Variants in LYSMD1 observed in about 807,000 individuals in gnomAD.
LYSMD1 encodes the protein LysM domain containing 1.
In LYSMD1, 9 loss-of-function variants were observed where a neutral mutation model predicts 19.3. That is an observed-to-expected ratio of 0.47 (90% CI 0.28 to 0.81). LYSMD1 has a LOEUF of 0.81. Among genes scored for constraint, LYSMD1 ranks in the 40% least tolerant of loss-of-function variants. The pLI is 0.11. For missense variants in LYSMD1, 262 were observed against 279.8 expected, an observed-to-expected ratio of 0.94 and a Z score of 0.45; for synonymous variants, 111 against 111.7, an observed-to-expected ratio of 0.99 and a Z score of 0.04.
chr1:151,157,997 G>A (rs890196723), downstream of LYSMD1, among the ~76,000 whole-genome samples: 3 of 152,156 alleles, frequency 2.0e-5, no homozygotes, highest in Non-Finnish European at 4.4e-5. Flanking sequence ...ACAGACATAT[G>A]GCACAGAGTC....
downstream of LYSMD1, chr1:151,159,375 C>A: frequency 9.1e-7 from 1 of 1,094,812 alleles, no homozygotes; most frequent in Non-Finnish European, 1.3e-6. Context: ...TCATTCCTTC[C>A]CAAGAGTGCT....
At chr1:151,153,086 CT>C in the LYSMD1 span, among the ~76,000 whole-genome samples, 1 of 152,240 alleles carries the variant, frequency 6.6e-6, no homozygotes, top group Non-Finnish European at 1.5e-5. Flanking sequence ...ATCTCTAAGT[CT>C]GATTCTGTCT....
At chr1:151,149,088 A>C in the LYSMD1 span, among the ~76,000 whole-genome samples, 1 of 152,336 alleles carries the variant, frequency 6.6e-6, no homozygotes, top group South Asian at 2.1e-4. Flanking sequence ...ATTTTGAAGG[A>C]CAAATCAAAA....
chr1:151,149,676 AGGAGGC>A, the LYSMD1 span, among the ~76,000 whole-genome samples: 1 of 151,442 alleles, frequency 6.6e-6, no homozygotes, highest in East Asian at 2.0e-4. Flanking sequence ...GCTTGAACCC[AGGAGGC>A]GGAGCTTGCA....
At chr1:151,151,001 G>A in the LYSMD1 span, among the ~76,000 whole-genome samples, 5 of 152,026 alleles carry the variant, frequency 3.3e-5, no homozygotes, top group Non-Finnish European at 5.9e-5. Context: ...AGCCTCCAAA[G>A]TGTTGGGATT....
chr1:151,151,443 C>T, the LYSMD1 span, among the ~76,000 whole-genome samples: 2 of 150,794 alleles, frequency 1.3e-5, no homozygotes, highest in African/African-American at 4.9e-5. Flanking sequence ...TCATGATCCG[C>T]CCGCCTGGGC....
chr1:151,165,483 T>G lies in LYSMD1; in HGVS notation c.-225A>C. On this transcript the variant is annotated 5_prime_UTR_variant, in exon 1 of 3. Transcript: ENST00000368908. The stretch of plus-strand genomic sequence containing the variant: ...GTCCCTTGAGTATTCAGTCCCTCCC[T>G]AATTCTCCCCTAAGCACCCCTCCGA... 2 of 1,431,168 alleles carry G rather than the reference T, an allele frequency of 1.4e-6. No homozygotes were observed. The allele number at this position is 1,431,168 out of a possible 1,614,324, so 88.7% of individuals were successfully genotyped here.
chr1:151,152,779 T>C, the LYSMD1 span, among the ~76,000 whole-genome samples: 8 of 152,220 alleles, frequency 5.3e-5, no homozygotes, highest in Admixed American at 5.2e-4. Context: ...GCTGACTTAC[T>C]TGACTGCTTT....
In LYSMD1 at chr1:151,160,980, A is replaced by G; in HGVS notation, c.586T>C (p.Trp196Arg). Residue 196 changes from tryptophan to arginine, a missense_variant, in exon 3 of 3, where the codon TGG becomes CGG. Coordinates refer to ENST00000368908, the MANE Select transcript of LYSMD1 (RefSeq NM_212551.5). ...EDAGLHLSSP[W>R]MQQRAVLGPV... The stretch of plus-strand genomic sequence containing the variant: ...CCTAGGACTGCTCGTTGCTGCATCC[A>G]AGGGGAGCTCAGGTGGAGACCTGCA... 1 of 1,614,202 alleles carries G rather than the reference A, an allele frequency of 6.2e-7. No individual in the cohort carries two copies. Among genetic ancestry groups the G allele is most frequent in the Non-Finnish European group, 8.5e-7 (1 of 1,180,024 alleles).
At chr1:151,162,143 T>C in intron 1 of LYSMD1, 43 bp from the exon 2 acceptor site, 1 of 1,561,248 alleles carries the variant, frequency 6.4e-7, no homozygotes, top group Non-Finnish European at 8.6e-7. Flanking sequence ...GTAATAATGA[T>C]CAATCTTACA....
At chr1:151,152,827 G>A in the LYSMD1 span, among the ~76,000 whole-genome samples, 16 of 152,324 alleles carry the variant, frequency 1.1e-4, no homozygotes, top group South Asian at 3.1e-3. Flanking sequence ...ACTGATATGA[G>A]AGTATTGATC....
downstream of LYSMD1, chr1:151,159,181 C>A (rs587726767): frequency 3.7e-6 from 6 of 1,614,194 alleles, no homozygotes; most frequent in South Asian, 6.6e-5. Context: ...CCTCTATGGG[C>A]CTGACTTCAC....
the LYSMD1 span, among the ~76,000 whole-genome samples, chr1:151,154,049 A>G: frequency 1.3e-5 from 2 of 152,004 alleles, no homozygotes; most frequent in Non-Finnish European, 2.9e-5. Context: ...TGTTACTACC[A>G]TTTTCCCCTC....
downstream of LYSMD1, chr1:151,158,901 C>G: frequency 2.5e-6 from 4 of 1,614,220 alleles, no homozygotes; most frequent in Non-Finnish European, 3.4e-6. Flanking sequence ...AAGTGGCCAT[C>G]AAGGTGGCTG....
chr1:151,152,460 G>A, the LYSMD1 span, among the ~76,000 whole-genome samples: 26 of 151,042 alleles, frequency 1.7e-4, no homozygotes, highest in Admixed American at 6.0e-4. Flanking sequence ...CCAGCACTTC[G>A]GGAGGCCGAG....
Position 151,165,870 on chromosome 1 carries a change from G to T in LYSMD1, c.-612C>A. On this transcript the variant is annotated 5_prime_UTR_variant, in exon 1 of 3. Transcript: ENST00000368908. The stretch of plus-strand genomic sequence containing the variant: ...AGATCCGCCAAGATGCAAGGGCCTG[G>T]ATCCAGTTGAGCGGCAAGGTCTTTG... 2.6e-6 allele frequency: 3 copies of T among 1,153,880 alleles called. No individual in the cohort carries two copies. The highest frequency in any genetic ancestry group is 3.8e-6 in the Non-Finnish European group (3 of 785,050). The allele number at this position is 1,153,880 out of a possible 1,614,324, so 71.5% of individuals were successfully genotyped here. A position where few individuals can be genotyped will look rare whatever the true frequency, so the allele number is the denominator to read the frequency against.
downstream of LYSMD1, among the ~76,000 whole-genome samples, chr1:151,157,368 C>T (rs374747623): frequency 6.6e-6 from 1 of 152,188 alleles, no homozygotes. Flanking sequence ...CTCCTCACTG[C>T]GGTCACAGCC....
intron 1 of LYSMD1, among the ~76,000 whole-genome samples, chr1:151,163,864 C>T (rs1335021695): frequency 6.7e-6 from 1 of 148,168 alleles, no homozygotes; most frequent in Non-Finnish European, 1.5e-5. Context: ...TTAATCTTTT[C>T]TGATTTCCTA....
At chr1:151,156,561 C>T (rs1683228222), downstream of LYSMD1, 1 of 152,148 alleles carries the variant, frequency 6.6e-6, no homozygotes. Context: ...GGCCATAGGC[C>T]TTCTTGGTGA....
Sources: gnomAD v4.1 joint callset for allele counts (sites outside exome capture counted in the v4.1 genomes callset) on GRCh38, gnomAD v4.1.1 for gene constraint, MANE v1.5 for transcripts, NCBI Gene and HGNC (gene_info 2026-07-23, HGNC 2026-07-21) for gene names.